The following FBXL20 variants were observed in gnomAD, a reference collection of about 807,000 sequenced individuals.
FBXL20 encodes the protein F-box/LRR-repeat protein 20.
In FBXL20, 11 loss-of-function variants were observed where a neutral mutation model predicts 64.0. That is an observed-to-expected ratio of 0.17 (90% CI 0.11 to 0.28). The LOEUF (loss-of-function observed/expected upper bound fraction) is 0.28, where lower values mean the gene tolerates loss of function less well. Ranked by LOEUF, FBXL20 falls within the 10% of genes least tolerant of loss-of-function variation. The pLI is 1.00. For missense variants in FBXL20, 303 were observed against 526.2 expected (o/e 0.58, Z 4.15); for synonymous variants, 184 against 189.0 (o/e 0.97, Z 0.22).
At chr17:39,336,944 A>ACCTCTCCCTCTCCCTCCTCTCCCT (rs1038428991) in intron 2 of FBXL20, among the ~76,000 whole-genome samples, 2 of 148,678 alleles carry the variant, frequency 1.3e-5, no homozygotes, top group African/African-American at 2.5e-5. Context: ...ATAATAAACG[A>ACCTCTCCCTCTCCCTCCTCTCCCT]CCTCTCCCTC....
chr17:39,342,034 G>A (rs140536458), intron 2 of FBXL20, among the ~76,000 whole-genome samples: 13 of 152,122 alleles, frequency 8.5e-5, no homozygotes, highest in East Asian at 5.8e-4. Context: ...CTCCTATCCC[G>A]CAATTTGGTC....
At chr17:39,339,075 G>A (rs1426048893) in intron 2 of FBXL20, among the ~76,000 whole-genome samples, 1 of 149,866 alleles carries the variant, frequency 6.7e-6, no homozygotes, top group Admixed American at 6.8e-5. Flanking sequence ...GGACGAGGCA[G>A]GAGAATCGCT....
At chr17:39,347,615 A>G (rs2047646967) in intron 1 of FBXL20, among the ~76,000 whole-genome samples, 1 of 152,172 alleles carries the variant, frequency 6.6e-6, no homozygotes, top group African/African-American at 2.4e-5. Context: ...GGAAGATTGT[A>G]AAAATTTTCT....
intron 1 of FBXL20, among the ~76,000 whole-genome samples, chr17:39,349,287 C>A (rs2047664004): frequency 7.5e-6 from 1 of 134,096 alleles, no homozygotes; most frequent in Non-Finnish European, 1.6e-5. Flanking sequence ...ATCGAGCCAC[C>A]ATACTCCAGC....
In FBXL20 at chr17:39,387,066, T is replaced by C. The variant is rs564039248; in HGVS notation, c.42+14295A>G. Among the ~76,000 whole-genome samples the C allele has an allele frequency of 2.6e-5, 4 of 152,322 alleles. No individual in the cohort carries two copies. The South Asian group carries it at 8.3e-4, about 32-fold the overall frequency. The stretch of plus-strand genomic sequence containing the variant: ...ACGTTACAATGGTGTACACGTAATA[T>C]GCATCAGTGGAAACTGCAATGAGTA... On this transcript the variant is annotated intron_variant, in intron 1 of 14. Coordinates refer to ENST00000264658, the MANE Select transcript of FBXL20 (RefSeq NM_032875.3).
chr17:39,280,787 C>T (rs1339191030), intron 9 of FBXL20, among the ~76,000 whole-genome samples: 1 of 151,932 alleles, frequency 6.6e-6, no homozygotes, highest in Non-Finnish European at 1.5e-5. Flanking sequence ...TTTTTTGAGA[C>T]AAGGTCTCAC....
intron 1 of FBXL20, among the ~76,000 whole-genome samples, chr17:39,361,317 G>A (rs930780136): frequency 1.9e-4 from 29 of 152,024 alleles, no homozygotes; most frequent in African/African-American, 7.0e-4. Context: ...TCTATGGGAG[G>A]CCATTTCGCT....
intron 1 of FBXL20, among the ~76,000 whole-genome samples, chr17:39,363,827 C>CA: frequency 2.6e-5 from 2 of 78,000 alleles, no homozygotes; most frequent in African/African-American, 5.4e-5. Context: ...AAAAAAAAAA[C>CA]AAAAAACAAA....
chr17:39,308,254 A>C (rs1306304733), intron 2 of FBXL20, among the ~76,000 whole-genome samples: 2 of 151,710 alleles, frequency 1.3e-5, no homozygotes, highest in Non-Finnish European at 2.9e-5. Context: ...CGGGCATTAC[A>C]GGCGTGTGTC....
At chr17:39,319,626 A>G (rs1262237061) in intron 2 of FBXL20, among the ~76,000 whole-genome samples, 1 of 142,880 alleles carries the variant, frequency 7.0e-6, no homozygotes. Context: ...CAGAGGTTGC[A>G]GTAAGCCGAA....
intron 9 of FBXL20, among the ~76,000 whole-genome samples, chr17:39,278,258 G>A (rs1385203890): frequency 6.6e-6 from 1 of 152,054 alleles, no homozygotes; most frequent in Non-Finnish European, 1.5e-5. Context: ...TGAGTCTCCT[G>A]CCTCAGACTC....
In FBXL20 at chr17:39,260,417, T is replaced by C. The variant is rs2046734953; in HGVS notation, c.*1043A>G. 1 of 152,162 alleles carries C rather than the reference T, an allele frequency of 6.6e-6. No individual in the cohort carries two copies. The highest frequency in any genetic ancestry group is 2.4e-5 in the African/African-American group (1 of 41,428). The allele number at this position is 152,162 out of a possible 1,614,324, so 9.4% of individuals were successfully genotyped here. A position where few individuals can be genotyped will look rare whatever the true frequency, so the allele number is the denominator to read the frequency against. ...GTGGAGTCTGACAGAAGGAAGAATATGTAGGGGGAATATTGGGGATACCAT... is the reference window on the plus strand; with the variant it reads ...GTGGAGTCTGACAGAAGGAAGAATACGTAGGGGGAATATTGGGGATACCAT... On this transcript the variant is annotated 3_prime_UTR_variant, in exon 15 of 15. Transcript: ENST00000264658.
chr17:39,345,417 T>TG (rs1464150713), intron 1 of FBXL20, among the ~76,000 whole-genome samples: 1 of 152,084 alleles, frequency 6.6e-6, no homozygotes, highest in Non-Finnish European at 1.5e-5. Flanking sequence ...TACAAAATAA[T>TG]GGAGTCATAC....
At chr17:39,398,468 A>C (rs2048208774) in intron 1 of FBXL20, among the ~76,000 whole-genome samples, 1 of 152,224 alleles carries the variant, frequency 6.6e-6, no homozygotes, top group Non-Finnish European at 1.5e-5. Context: ...GGTAAGTTTT[A>C]ATTGATTAAC....
intron 2 of FBXL20, among the ~76,000 whole-genome samples, chr17:39,316,323 C>A (rs914865750): frequency 1.3e-5 from 2 of 150,172 alleles, no homozygotes; most frequent in Non-Finnish European, 3.0e-5. Context: ...ACATTTTTTT[C>A]TTTCCCCCCG....
chr17:39,351,001 G>A lies in FBXL20; in HGVS notation c.43-7760C>T, dbSNP rs111563168. Among the ~76,000 whole-genome samples, 341 of 152,166 alleles carry A rather than the reference G, an allele frequency of 2.2e-3. 2 individuals carry two copies. Among genetic ancestry groups the A allele is most frequent in the African/African-American group, 7.7e-3 (321 of 41,522 alleles). ...CTCAGGAAAAAATAACACATAACCA[G>A]AATATTATCACTTGAAGTGACACAG... On this transcript the variant is annotated intron_variant, in intron 1 of 14. Transcript: ENST00000264658.
chr17:39,337,158 G>A (rs1236894849), intron 2 of FBXL20, among the ~76,000 whole-genome samples: 3 of 152,162 alleles, frequency 2.0e-5, no homozygotes, highest in Non-Finnish European at 4.4e-5. Context: ...ACTGGTTTTC[G>A]TATTTTTCTG....
intron 1 of FBXL20, among the ~76,000 whole-genome samples, chr17:39,361,937 T>A (rs1320160643): frequency 6.7e-6 from 1 of 150,002 alleles, no homozygotes; most frequent in Non-Finnish European, 1.5e-5. Context: ...ATCTCTAATA[T>A]TTAAAAAGAG....
chr17:39,319,561 T>A (rs2047331030), intron 2 of FBXL20, among the ~76,000 whole-genome samples: 2 of 151,058 alleles, frequency 1.3e-5, no homozygotes, highest in African/African-American at 4.9e-5. Flanking sequence ...GGTAGGCACT[T>A]GTAATCCCAA....
Sources: gnomAD v4.1 joint callset for allele counts (sites outside exome capture counted in the v4.1 genomes callset) on GRCh38, gnomAD v4.1.1 for gene constraint, MANE v1.5 for transcripts, NCBI Gene and HGNC (gene_info 2026-07-23, HGNC 2026-07-21) for gene names.